CAMK2D: variants seen among roughly 807,000 people sequenced by gnomAD.
CAMK2D encodes the protein calcium/calmodulin dependent protein kinase II delta, also known as calcium/calmodulin-dependent protein kinase type II subunit delta.
In CAMK2D, 37 loss-of-function variants were observed where a neutral mutation model predicts 84.0. The ratio of observed to expected loss-of-function variants is 0.44; its 90% CI spans 0.34 to 0.58. The LOEUF is 0.58. CAMK2D is among the 20% of genes least tolerant of loss of function. The pLI is 0.02. For synonymous variants in CAMK2D, 202 were observed against 212.5 expected, an observed-to-expected ratio of 0.95 and a Z score of 0.43; for missense variants, 448 against 652.5, an observed-to-expected ratio of 0.69 and a Z score of 3.41.
chr4:113,458,921 T>C (rs1048165687), intron 18 of CAMK2D, among the ~76,000 whole-genome samples: 5 of 152,194 alleles, frequency 3.3e-5, no homozygotes, highest in African/African-American at 4.8e-5. Context: ...TAATGTCTAA[T>C]GTCATTAGGT....
chr4:113,509,014 C>T (rs2098171154), intron 13 of CAMK2D, among the ~76,000 whole-genome samples: 1 of 152,020 alleles, frequency 6.6e-6, no homozygotes, highest in African/African-American at 2.4e-5. Context: ...AAAATACAAT[C>T]AGTAGGAAAG....
Position 113,544,268 on chromosome 4 carries a change from A to G in CAMK2D, c.414+3376T>C, listed in dbSNP as rs529759980. On this transcript the variant is annotated intron_variant, in intron 6 of 20. Coordinates refer to ENST00000511664, the MANE Select transcript of CAMK2D (RefSeq NM_001321571.2). ...ATTCCCAATGACACAGATTTTGTTT[A>G]TCTCTGGAAGACCCATAGGCAGGAC... Among the ~76,000 whole-genome samples the G allele has an allele frequency of 3.9e-4, 59 of 152,248 alleles. No homozygotes were observed. In the South Asian group the frequency reaches 0.012, roughly 31 times the overall value.
intron 15 of CAMK2D, among the ~76,000 whole-genome samples, chr4:113,502,526 A>G (rs1339688167): frequency 6.6e-6 from 1 of 151,842 alleles, no homozygotes; most frequent in Non-Finnish European, 1.5e-5. Flanking sequence ...CTAAACAAAA[A>G]AAAAAACCTA....
intron 2 of CAMK2D, among the ~76,000 whole-genome samples, chr4:113,719,455 C>G (rs372311344): frequency 6.6e-6 from 1 of 152,318 alleles, no homozygotes; most frequent in African/African-American, 2.4e-5. Context: ...CCCTTCAGAG[C>G]AACTTTTCTA....
At position 113,453,508 on chromosome 4, in the gene CAMK2D, CT is replaced by C. The variant is rs1184495566; in HGVS notation, c.*1036del. The C allele has an allele frequency of 6.6e-6, 1 of 152,148 alleles. No individual in the cohort carries two copies. The highest frequency in any genetic ancestry group is 1.5e-5 in the Non-Finnish European group (1 of 68,022). The allele number at this position is 152,148 out of a possible 1,614,324, so 9.4% of individuals were successfully genotyped here. On this transcript the variant is annotated 3_prime_UTR_variant, in exon 21 of 21. Transcript: ENST00000511664. Reference sequence around the variant, plus strand: ...AATACCTCCAACATAGTTAGGATACCTAAGTCCAAACTAGAGCTTAAGCAGA... The same window carrying C: ...AATACCTCCAACATAGTTAGGATACCAAGTCCAAACTAGAGCTTAAGCAGA...
At chr4:113,620,007 T>G (rs1289735503) in intron 3 of CAMK2D, among the ~76,000 whole-genome samples, 6 of 152,164 alleles carry the variant, frequency 3.9e-5, no homozygotes, top group Non-Finnish European at 7.3e-5. Flanking sequence ...AGTCAGTTAC[T>G]ATATAATACA....
intron 2 of CAMK2D, among the ~76,000 whole-genome samples, chr4:113,731,585 C>CT (rs577555908): frequency 0.14 from 18,413 of 127,716 alleles, 1,658 homozygotes; most frequent in East Asian, 0.19. Flanking sequence ...AGGGTTATTG[C>CT]TTTTTTTTTT....
chr4:113,487,419 A>T (rs1383849784), intron 16 of CAMK2D, among the ~76,000 whole-genome samples: 1 of 152,136 alleles, frequency 6.6e-6, no homozygotes, highest in Non-Finnish European at 1.5e-5. Context: ...AGCAAAGGAG[A>T]CATTATTTCA....
chr4:113,473,779 T>A (rs2097573493), intron 16 of CAMK2D, among the ~76,000 whole-genome samples: 1 of 152,158 alleles, frequency 6.6e-6, no homozygotes, highest in African/African-American at 2.4e-5. Flanking sequence ...TAATAAATAA[T>A]TAACAAATCT....
intron 15 of CAMK2D, 66 bp downstream of exon 15, chr4:113,502,870 T>G: frequency 9.1e-7 from 1 of 1,102,252 alleles, no homozygotes; most frequent in Non-Finnish European, 1.4e-6. Context: ...CGAATTAATT[T>G]TTTTGAATAT....
intron 3 of CAMK2D, among the ~76,000 whole-genome samples, chr4:113,644,435 GAGTAGTCTCAGCTTA>G (rs2099143618): frequency 6.6e-6 from 1 of 152,186 alleles, no homozygotes; most frequent in South Asian, 2.1e-4. Context: ...GGGAAGCCTT[GAGTAGTCTCAGCTTA>G]AGTCTAAAAT....
chr4:113,533,206 A>T (rs2098469408), intron 7 of CAMK2D, among the ~76,000 whole-genome samples: 1 of 152,134 alleles, frequency 6.6e-6, no homozygotes, highest in Non-Finnish European at 1.5e-5. Flanking sequence ...AGAGAATACC[A>T]GCATGCTCAT....
In CAMK2D at chr4:113,462,304, C is replaced by A. The variant is rs376700894; in HGVS notation, c.1212-2063G>T. Among the ~76,000 whole-genome samples the A allele has an allele frequency of 1.3e-4, 13 of 102,050 alleles. No individual in the cohort carries two copies. In the South Asian group the frequency reaches 4.0e-3, roughly 31 times the overall value. 66.9% of individuals were successfully genotyped at this position (102,050 alleles called of 152,430 possible). A position where few individuals can be genotyped will look rare whatever the true frequency, so the allele number is the denominator to read the frequency against. The stretch of plus-strand genomic sequence containing the variant: ...TGTGTGTGTGTGTGTGTCTGTCTGT[C>A]TGTCTGTCTGTCTGTCTGTCTGTCT... On this transcript the variant is annotated intron_variant, in intron 17 of 20. Coordinates refer to ENST00000511664, the MANE Select transcript of CAMK2D (RefSeq NM_001321571.2).
chr4:113,656,040 G>A (rs2099198579), intron 3 of CAMK2D, among the ~76,000 whole-genome samples: 2 of 152,044 alleles, frequency 1.3e-5, no homozygotes, highest in South Asian at 2.1e-4. Flanking sequence ...TGATACATAT[G>A]TTGACATATA....
At chr4:113,513,780 CT>C (rs1481417745) in intron 11 of CAMK2D, 49 bp downstream of exon 11, 1 of 834,708 alleles carries the variant, frequency 1.2e-6, no homozygotes, top group Non-Finnish European at 2.0e-6. Context: ...CAGTATTTCA[CT>C]TCTTAGTCTG....
chr4:113,563,561 G>A (rs899294604), intron 4 of CAMK2D, among the ~76,000 whole-genome samples: 15 of 152,328 alleles, frequency 9.8e-5, no homozygotes, highest in African/African-American at 3.4e-4. Context: ...AAGGAAATGA[G>A]GATGTTTCAG....
intron 3 of CAMK2D, among the ~76,000 whole-genome samples, chr4:113,658,431 T>C (rs1248052148): frequency 1.3e-5 from 2 of 152,110 alleles, no homozygotes; most frequent in Non-Finnish European, 2.9e-5. Context: ...TGTTTGTTTT[T>C]CCCCCAGAGA....
chr4:113,576,442 T>C (rs1163638186), intron 4 of CAMK2D, among the ~76,000 whole-genome samples: 1 of 152,092 alleles, frequency 6.6e-6, no homozygotes, highest in African/African-American at 2.4e-5. Context: ...GAAAAAGCTA[T>C]CTTAAATCCA....
intron 4 of CAMK2D, among the ~76,000 whole-genome samples, chr4:113,557,497 A>G (rs11728021): frequency 0.19 from 28,890 of 152,046 alleles, 2,977 homozygotes; most frequent in African/African-American, 0.26. Flanking sequence ...TCCCAAGAAC[A>G]CTCATGGAGA....
Sources: gnomAD v4.1 joint callset for allele counts (sites outside exome capture counted in the v4.1 genomes callset) on GRCh38, gnomAD v4.1.1 for gene constraint, MANE v1.5 for transcripts, NCBI Gene and HGNC (gene_info 2026-07-23, HGNC 2026-07-21) for gene names.